ENOX1: variants seen among roughly 807,000 people sequenced by gnomAD.
ENOX1 encodes candidate growth-related and time keeping constitutive hydroquinone (NADH) oxidase.
In ENOX1, 42 loss-of-function variants were observed where a neutral mutation model predicts 82.5. The observed-to-expected ratio is 0.51, with a 90% CI of 0.40 to 0.66. The LOEUF (loss-of-function observed/expected upper bound fraction) is 0.66. ENOX1 is among the 30% of genes least tolerant of loss of function. The pLI, the probability that ENOX1 is intolerant of heterozygous loss-of-function variation, is 0.00. For synonymous variants in ENOX1, 271 were observed against 282.2 expected, an observed-to-expected ratio of 0.96 and a Z score of 0.40; for missense variants, 608 against 811.6, an observed-to-expected ratio of 0.75 and a Z score of 3.05.
intron 3 of ENOX1, among the ~76,000 whole-genome samples, chr13:43,416,755 C>T (rs1424176306): frequency 1.3e-5 from 2 of 151,562 alleles, no homozygotes; most frequent in Non-Finnish European, 2.9e-5. Flanking sequence ...GGGCTCCTCA[C>T]ATCCCAGACA....
At chr13:43,580,343 C>A (rs752653306) in intron 2 of ENOX1, among the ~76,000 whole-genome samples, 1 of 152,298 alleles carries the variant, frequency 6.6e-6, no homozygotes, top group African/African-American at 2.4e-5. Context: ...ACAGTGGACA[C>A]TTTTGTCGCC....
At chr13:43,606,817 C>T (rs9316043) in intron 2 of ENOX1, among the ~76,000 whole-genome samples, 148,687 of 152,166 alleles carry the variant, frequency 0.98, 72,751 homozygotes, top group Middle Eastern at 1. Context: ...GAGTTCGAGA[C>T]CAGCCTGGGC....
chr13:43,283,771 T>C (rs1410705813), intron 12 of ENOX1, among the ~76,000 whole-genome samples: 2 of 151,974 alleles, frequency 1.3e-5, no homozygotes, highest in African/African-American at 4.8e-5. Context: ...TCAATAGAAA[T>C]TGGATGCTTA....
In ENOX1 at chr13:43,378,942, A is replaced by G. The variant is rs778696654; in HGVS notation, c.209-17490T>C. On this transcript the variant is annotated intron_variant, in intron 5 of 16. Coordinates refer to ENST00000690772, the MANE Select transcript of ENOX1 (RefSeq NM_001347969.2). ...ATTGATGGGGGCACAATATAATCAC[A>G]AGAGTCCTAAAAAGGGGAAGAGGGA... Among the ~76,000 whole-genome samples, 3 of 152,316 alleles carry G rather than the reference A, an allele frequency of 2.0e-5. No homozygotes were observed. The East Asian group carries it at 5.8e-4, about 29-fold the overall frequency.
At position 43,224,141 on chromosome 13, in the gene ENOX1, GA is replaced by G. The variant is rs751321469; in HGVS notation, c.1715-4del. 4 of 1,610,726 alleles carry G rather than the reference GA, an allele frequency of 2.5e-6. No individual in the cohort carries two copies. In the South Asian group the frequency reaches 4.4e-5, roughly 18 times the overall value. Reference sequence around the variant, plus strand: ...GTGAAGAAACGTTGATATGATACCTGAATTAAAAAGGCAAACATTGGAAATT... The same window carrying G: ...GTGAAGAAACGTTGATATGATACCTGATTAAAAAGGCAAACATTGGAAATT... On this transcript the variant is annotated splice_polypyrimidine_tract_variant and splice_region_variant and intron_variant, in intron 15 of 16. Transcript: ENST00000690772.
chr13:43,453,565 C>A (rs995044073), intron 3 of ENOX1, among the ~76,000 whole-genome samples: 1 of 152,164 alleles, frequency 6.6e-6, no homozygotes, highest in Non-Finnish European at 1.5e-5. Flanking sequence ...ATAGGAGGAA[C>A]AAATACCAGT....
At chr13:43,515,694 C>T (rs894680593) in intron 2 of ENOX1, among the ~76,000 whole-genome samples, 2 of 152,170 alleles carry the variant, frequency 1.3e-5, no homozygotes, top group African/African-American at 2.4e-5. Flanking sequence ...AACCACTACA[C>T]TATGCTAGTG....
intron 13 of ENOX1, among the ~76,000 whole-genome samples, chr13:43,267,051 C>T (rs1041246511): frequency 2.0e-5 from 3 of 152,180 alleles, no homozygotes; most frequent in African/African-American, 7.2e-5. Flanking sequence ...CCCCTCACTC[C>T]CTGTCTCCTG....
At chr13:43,528,836 T>C (rs1483203362) in intron 2 of ENOX1, among the ~76,000 whole-genome samples, 1 of 152,042 alleles carries the variant, frequency 6.6e-6, no homozygotes, top group African/African-American at 2.4e-5. Flanking sequence ...TTTTTTAATA[T>C]ATAGGTTATT....
chr13:43,355,783 A>C (rs988668456), intron 8 of ENOX1, 136 bp downstream of exon 8: 18 of 913,196 alleles, frequency 2.0e-5, no homozygotes, highest in Non-Finnish European at 3.0e-5. Flanking sequence ...CTGTGCTTAC[A>C]CCAGACTCTT....
chr13:43,541,269 C>A (rs567277689), intron 2 of ENOX1, among the ~76,000 whole-genome samples: 3 of 139,172 alleles, frequency 2.2e-5, no homozygotes, highest in African/African-American at 8.0e-5. Context: ...GAGGCCAGGG[C>A]AGGGGGATTG....
chr13:43,757,236 C>A (rs887757899), intron 1 of ENOX1, among the ~76,000 whole-genome samples: 21 of 152,214 alleles, frequency 1.4e-4, no homozygotes, highest in Admixed American at 5.2e-4. Context: ...CCTCTGATAT[C>A]TGACTTTGCA....
intron 2 of ENOX1, among the ~76,000 whole-genome samples, chr13:43,650,120 G>C (rs2084088529): frequency 6.6e-6 from 1 of 152,072 alleles, no homozygotes; most frequent in Admixed American, 6.5e-5. Context: ...GAACCTCAAG[G>C]CCTCACCATC....
At chr13:43,785,739 C>A (rs1952539348) in intron 1 of ENOX1, among the ~76,000 whole-genome samples, 1 of 152,130 alleles carries the variant, frequency 6.6e-6, no homozygotes, top group Non-Finnish European at 1.5e-5. Flanking sequence ...GGGATGACAA[C>A]CACAACACTC....
intron 5 of ENOX1, among the ~76,000 whole-genome samples, chr13:43,407,250 C>T (rs748313329): frequency 2.0e-5 from 3 of 152,176 alleles, no homozygotes; most frequent in East Asian, 1.9e-4. Context: ...CAACACCTGA[C>T]CCAAATTTTG....
chr13:43,741,685 A>G (rs544479860), intron 1 of ENOX1, among the ~76,000 whole-genome samples: 1 of 152,280 alleles, frequency 6.6e-6, no homozygotes, highest in South Asian at 2.1e-4. Context: ...CCCATTTCGT[A>G]GATTGCTTTT....
At chr13:43,422,144 G>T (rs1242644891) in intron 3 of ENOX1, among the ~76,000 whole-genome samples, 1 of 152,042 alleles carries the variant, frequency 6.6e-6, no homozygotes, top group Non-Finnish European at 1.5e-5. Context: ...AAATCTGTCA[G>T]ATCTTTCAAG....
rs192430326 is a variant in ENOX1, at chr13:43,671,638, C to T, written c.-284-4094G>A. On this transcript the variant is annotated intron_variant, in intron 1 of 16. Transcript: ENST00000690772. Reference sequence around the variant, plus strand: ...GTGACGACCTGATCACAGCCCACTACGATTTCCGAGGCAAGCCAAAAAGAA... The same window carrying T: ...GTGACGACCTGATCACAGCCCACTATGATTTCCGAGGCAAGCCAAAAAGAA... 4.6e-5 allele frequency among the ~76,000 whole-genome samples: 7 copies of T among 152,266 alleles called. No homozygotes were observed. The East Asian group carries it at 7.7e-4, about 17-fold the overall frequency.
rs538150087 is a variant in ENOX1 at position 43,351,673 on chromosome 13, G to A, written c.823+4246C>T. ...TTCCCACCTATGAGTGAGAATATGC[G>A]GTGTTTGCTTTTTTGTTCTTGCGAT... On this transcript the variant is annotated intron_variant, in intron 8 of 16. Coordinates refer to ENST00000690772, the MANE Select transcript of ENOX1 (RefSeq NM_001347969.2). 7.5e-3 allele frequency among the ~76,000 whole-genome samples: 1,090 copies of A among 146,228 alleles called. 7 individuals are homozygous for A. The highest frequency in any genetic ancestry group is 0.012 in the Non-Finnish European group (806 of 67,140).
Sources: gnomAD v4.1 joint callset for allele counts (sites outside exome capture counted in the v4.1 genomes callset) on GRCh38, gnomAD v4.1.1 for gene constraint, MANE v1.5 for transcripts, NCBI Gene and HGNC (gene_info 2026-07-23, HGNC 2026-07-21) for gene names.